ZC3H4: variants seen among roughly 807,000 people sequenced by gnomAD.
ZC3H4 encodes zinc finger CCCH-type containing 4, also known as zinc finger CCCH domain-containing protein 4.
ZC3H4 carries 13 observed loss-of-function variants against 108.3 expected under a neutral mutation model. The observed-to-expected ratio is 0.12, with a 90% CI of 0.08 to 0.19. The LOEUF is 0.19. Ranked by LOEUF, ZC3H4 falls within the 10% of genes least tolerant of loss-of-function variation. The pLI, the probability that ZC3H4 is intolerant of heterozygous loss-of-function variation, is 1.00. For synonymous variants in ZC3H4, 917 were observed against 749.6 expected, an observed-to-expected ratio of 1.22 and a Z score of -3.65; for missense variants, 1,734 against 1,838.8, an observed-to-expected ratio of 0.94 and a Z score of 1.04.
At chr19:47,103,413 CCCA>C (rs1392927193) in intron 2 of ZC3H4, among the ~76,000 whole-genome samples, 1 of 152,154 alleles carries the variant, frequency 6.6e-6, no homozygotes, top group African/African-American at 2.4e-5. Context: ...AAGCAATCTT[CCCA>C]CGTCAGCCTC....
rs767401467 is a variant in ZC3H4 at position 47,112,599 on chromosome 19, G to A, written c.-5-10C>T. 8.3e-7 allele frequency: 1 copy of A among 1,207,526 alleles called. No homozygotes were observed. 74.8% of individuals were successfully genotyped at this position (1,207,526 alleles called of 1,614,324 possible). On this transcript the variant is annotated splice_polypyrimidine_tract_variant and intron_variant, in intron 1 of 14. Transcript: ENST00000253048. ...GCGGCCTCCATAGTTCCTTTGGGGG[G>A]GAGGGGATGTTAATGCACGAAAAAG...
At chr19:47,069,062 T>C in intron 14 of ZC3H4, 30 bp downstream of exon 14, 1 of 1,601,194 alleles carries the variant, frequency 6.2e-7, no homozygotes. Context: ...GCCTGGGGCC[T>C]GTGCCCCGGC....
intron 5 of ZC3H4, among the ~76,000 whole-genome samples, chr19:47,087,646 A>C (rs2057655002): frequency 6.6e-6 from 1 of 152,214 alleles, no homozygotes; most frequent in Admixed American, 6.5e-5. Flanking sequence ...TGGGAGGCCA[A>C]GGCGGGTGGA....
chr19:47,079,957 G>T (rs1054305263), intron 11 of ZC3H4, among the ~76,000 whole-genome samples: 1 of 152,118 alleles, frequency 6.6e-6, no homozygotes, highest in Non-Finnish European at 1.5e-5. Context: ...TCCTACAGGC[G>T]CCCTGCCAAC....
chr19:47,078,068 G>A (rs1431572870), intron 11 of ZC3H4, among the ~76,000 whole-genome samples: 1 of 152,054 alleles, frequency 6.6e-6, no homozygotes, highest in African/African-American at 2.4e-5. Context: ...CTTCCATGAA[G>A]CCAAGGGAGA....
intron 5 of ZC3H4, among the ~76,000 whole-genome samples, chr19:47,089,039 C>T (rs2057683220): frequency 6.6e-6 from 1 of 151,672 alleles, no homozygotes. Flanking sequence ...AACTCCGTCT[C>T]TACTAAAAAT....
At position 47,072,764 on chromosome 19, in the gene ZC3H4, C is replaced by G. The variant is rs766071674; in HGVS notation, c.1441-51G>C. ...GGTGTGGACGGGGTCAGGATGGAAA[C>G]GGACCTCTCCAGGTCTGAGAGCTGA... On this transcript the variant is annotated intron_variant, in intron 11 of 14. Transcript: ENST00000253048. The surrounding 1 kb of genome is among the most constrained non-coding windows in gnomAD (Gnocchi z 5.6). 14 of 1,602,578 alleles carry G rather than the reference C, an allele frequency of 8.7e-6. No homozygotes were observed. Among genetic ancestry groups the G allele is most frequent in the Non-Finnish European group, 1.2e-5 (14 of 1,176,252 alleles).
rs2057578610 is a variant in ZC3H4 at position 47,084,423 on chromosome 19, G to A, written c.1140C>T (p.Asp380=). The change falls in exon 9 of 15, where the codon GAC becomes GAT. Residue 380 remains aspartate (D), a synonymous_variant. Transcript: ENST00000253048. ...DGGGGSYRSR[D]HDKPHQQSDK... The stretch of plus-strand genomic sequence containing the variant: ...CCGACTGCTGGTGGGGCTTGTCATG[G>A]TCACGACTCCGGTAGCTTCCACCAC... The A allele has an allele frequency of 6.2e-7, 1 of 1,614,124 alleles. No individual in the cohort carries two copies. The highest frequency in any genetic ancestry group is 1.3e-5 in the African/African-American group (1 of 74,936).
chr19:47,072,865 A>G lies in ZC3H4; in HGVS notation c.1441-152T>C. On this transcript the variant is annotated intron_variant, in intron 11 of 14. Coordinates refer to ENST00000253048, the MANE Select transcript of ZC3H4 (RefSeq NM_015168.2). This position sits in a 1 kb window ranked among gnomAD's most constrained non-coding sequence, Gnocchi z 5.6. ...AAAGACCACAATGGCTCTGTAACAA[A>G]AATCATCATCAGCCACCTCTCTGCT... is the stretch of plus-strand genomic sequence containing the variant. The G allele has an allele frequency of 1.1e-6, 1 of 881,360 alleles. No homozygotes were observed. Among genetic ancestry groups the G allele is most frequent in the Non-Finnish European group, 1.7e-6 (1 of 589,214 alleles). 54.6% of individuals were successfully genotyped at this position (881,360 alleles called of 1,614,324 possible). A position where few individuals can be genotyped will look rare whatever the true frequency, so the allele number is the denominator to read the frequency against.
Position 47,094,019 on chromosome 19 carries a change from C to A in ZC3H4, c.443G>T (p.Ser148Ile). The A allele has an allele frequency of 1.2e-6, 2 of 1,614,174 alleles. No individual in the cohort carries two copies. The highest frequency in any genetic ancestry group is 8.5e-7 in the Non-Finnish European group (1 of 1,180,030). ...DFSDDSDFSP[S>I]EKGHRKYREY... Reference sequence around the variant, plus strand: ...TCTGTACTTGCGGTGACCTTTCTCACTGGGGCTGAAATCCGAGTCATCTGA... The same window carrying A: ...TCTGTACTTGCGGTGACCTTTCTCAATGGGGCTGAAATCCGAGTCATCTGA... Residue 148 changes from serine to isoleucine, a missense_variant, in exon 4 of 15, where the codon AGT becomes ATT. This residue lies in a region of ZC3H4 where 403 missense variants were observed against 457.0 expected (regional missense o/e 0.88). Coordinates refer to ENST00000253048, the MANE Select transcript of ZC3H4 (RefSeq NM_015168.2).
intron 4 of ZC3H4, among the ~76,000 whole-genome samples, chr19:47,091,960 G>A (rs1000295391): frequency 3.3e-5 from 5 of 151,844 alleles, no homozygotes; most frequent in Admixed American, 6.6e-5. Flanking sequence ...TGCAATCCCC[G>A]CACTTTGGGA....
chr19:47,068,974 T>C (rs996360107), intron 14 of ZC3H4, 118 bp downstream of exon 14: 62 of 1,543,762 alleles, frequency 4.0e-5, no homozygotes, highest in Middle Eastern at 2.3e-4. Flanking sequence ...TGGACAGGGG[T>C]CCTCCCTAGC....
intron 2 of ZC3H4, among the ~76,000 whole-genome samples, chr19:47,106,483 C>T (rs1451300789): frequency 6.6e-6 from 1 of 152,212 alleles, no homozygotes; most frequent in Non-Finnish European, 1.5e-5. Context: ...GCTTTTGGCT[C>T]TGGAGTTCAC....
chr19:47,076,937 G>A (rs1362450511), intron 11 of ZC3H4, among the ~76,000 whole-genome samples: 1 of 152,096 alleles, frequency 6.6e-6, no homozygotes, highest in African/African-American at 2.4e-5. Flanking sequence ...AAACTACAGT[G>A]AGCCAAGGTT....
At chr19:47,082,733 A>G (rs2057546242) in intron 9 of ZC3H4, among the ~76,000 whole-genome samples, 1 of 152,242 alleles carries the variant, frequency 6.6e-6, no homozygotes, top group African/African-American at 2.4e-5. Context: ...ATGTTTAAAG[A>G]TGGCAGAATA....
Position 47,069,168 on chromosome 19 carries a change from C to A in ZC3H4, c.2322G>T (p.Gln774His). 6.2e-7 allele frequency: 1 copy of A among 1,609,318 alleles called. No individual in the cohort carries two copies. Among genetic ancestry groups the A allele is most frequent in the Non-Finnish European group, 8.5e-7 (1 of 1,179,976 alleles). ...TCTCCTCCTCCTCCTGCTGCTTCTG[C>A]TGGATCCTCAGGTACAGGGCCCTCT... is the stretch of plus-strand genomic sequence containing the variant. Reference protein sequence around the residue: ...SAQRALYLRIQQKQQEEEERA... With the variant: ...SAQRALYLRIHQKQQEEEERA... The change falls in exon 14 of 15, where the codon CAG (glutamine) becomes CAT (histidine). Residue 774 changes from glutamine (Q) to histidine (H), a missense_variant. Around this residue, in one of 9 missense-constraint regions of ZC3H4, gnomAD observed 540 missense variants for 484.1 expected, o/e 1.12. Coordinates refer to ENST00000253048, the MANE Select transcript of ZC3H4 (RefSeq NM_015168.2).
chr19:47,075,155 A>G (rs2057397650), intron 11 of ZC3H4, among the ~76,000 whole-genome samples: 1 of 152,106 alleles, frequency 6.6e-6, no homozygotes, highest in South Asian at 2.1e-4. Flanking sequence ...ATGTGGCTTC[A>G]TGGAGGAGGT....
At chr19:47,082,477 T>A (rs1173095433) in intron 9 of ZC3H4, among the ~76,000 whole-genome samples, 182 bp from the exon 10 acceptor site, 1 of 152,154 alleles carries the variant, frequency 6.6e-6, no homozygotes, top group East Asian at 1.9e-4. Context: ...TTGGGACTAA[T>A]TTTTTAAATA....
chr19:47,066,364 A>G lies in ZC3H4; in HGVS notation c.3904T>C (p.Cys1302Arg). 6.5e-7 allele frequency: 1 copy of G among 1,548,676 alleles called. No individual in the cohort carries two copies. The highest frequency in any genetic ancestry group is 8.7e-7 in the Non-Finnish European group (1 of 1,149,576). Residue 1302 changes from cysteine (C) to arginine (R), a missense_variant, in exon 15 of 15, where the codon TGC becomes CGC. Physicochemically the swap from Cys to Arg is radical, Grantham distance 180. Transcript: ENST00000253048. ...GCAGCTCTGGCTGGACACTACTGGC[A>G]AAAGGGGGAGGCCGTGGGGTCGAAG... ...KGFDPTASPF[C>R]Q
Sources: gnomAD v4.1 joint callset for allele counts (sites outside exome capture counted in the v4.1 genomes callset) on GRCh38, gnomAD v4.1.1 for gene constraint, gnomAD v4.1.1 regional missense constraint, Gnocchi (gnomAD v3.1) non-coding constraint, MANE v1.5 for transcripts, NCBI Gene and HGNC (gene_info 2026-07-23, HGNC 2026-07-21) for gene names.